Variants in TTC21B observed in about 807,000 individuals in gnomAD.
TTC21B encodes the protein tetratricopeptide repeat protein 21B.
In TTC21B, 127 loss-of-function variants were observed where a neutral mutation model predicts 175.1. The observed-to-expected ratio is 0.73, with a 90% CI of 0.63 to 0.84. The LOEUF is 0.84. Among genes scored for constraint, TTC21B ranks in the 40% least tolerant of loss-of-function variants. TTC21B has a pLI of 0.00. For synonymous variants in TTC21B, 524 were observed against 524.5 expected (o/e 1.00, Z 0.01); for missense variants, 1,561 against 1,558.3 (o/e 1.00, Z -0.03).
At chr2:165,881,993 A>G (rs1272424065) in intron 26 of TTC21B, among the ~76,000 whole-genome samples, 4 of 152,126 alleles carry the variant, frequency 2.6e-5, no homozygotes, top group Non-Finnish European at 5.9e-5. Context: ...AGGAATGCAC[A>G]TATTCCCTTT....
At chr2:165,901,293 C>G (rs1685550705) in intron 20 of TTC21B, among the ~76,000 whole-genome samples, 1 of 151,972 alleles carries the variant, frequency 6.6e-6, no homozygotes, top group African/African-American at 2.4e-5. Flanking sequence ...ATTTTTGTTA[C>G]ATTTCTTTTA....
At position 165,874,797 on chromosome 2, in the gene TTC21B, T is replaced by C. The variant is rs1305905662; in HGVS notation, c.3909A>G (p.Arg1303=). 2 of 1,613,804 alleles carry C rather than the reference T, an allele frequency of 1.2e-6. No individual in the cohort carries two copies. Among genetic ancestry groups the C allele is most frequent in the Non-Finnish European group, 1.7e-6 (2 of 1,179,840 alleles). Residue 1303 remains arginine (R), a synonymous_variant, in exon 29 of 29, where the codon AGA becomes AGG. Transcript: ENST00000243344. ...CACGGGCCTTATCAAGTATATCCTT[T>C]CTGATTTTTGGATAAGTTGGATGTG... ...LEAHPTYPKI[R]KDILDKARAS... is the part of the protein sequence containing the mutation.
rs559087900 is a variant in TTC21B at position 165,924,070 on chromosome 2, T to C, written c.1516+479A>G. On this transcript the variant is annotated intron_variant, in intron 12 of 28. Coordinates refer to ENST00000243344, the MANE Select transcript of TTC21B (RefSeq NM_024753.5). Reference sequence around the variant, plus strand: ...ACCCAGCCATGATGGTCTATTTTTATGTGTAAAGTCAGGCATTTGTCTGTG... The same window carrying C: ...ACCCAGCCATGATGGTCTATTTTTACGTGTAAAGTCAGGCATTTGTCTGTG... Among the ~76,000 whole-genome samples the C allele has an allele frequency of 2.0e-5, 3 of 152,278 alleles. No homozygotes were observed. In the South Asian group the frequency reaches 6.2e-4, roughly 32 times the overall value.
At position 165,943,296 on chromosome 2, in the gene TTC21B, G is replaced by A. The variant is rs1433114934; in HGVS notation, c.475C>T (p.Pro159Ser). 2 of 1,610,792 alleles carry A rather than the reference G, an allele frequency of 1.2e-6. No individual in the cohort carries two copies. The highest frequency in any genetic ancestry group is 1.7e-6 in the Non-Finnish European group (2 of 1,177,150). ...TACTTCAGTGCTTTTTTAGTGTAAG[G>A]CTCTTTTCCTCTTGTAATATCAAGC... ...AWLDITRGKE[P>S]YTKKALKYFE... The change falls in exon 5 of 29, where the codon CCT becomes TCT. Residue 159 changes from proline to serine, a missense_variant. Physicochemically the swap from Pro to Ser is moderately conservative, Grantham distance 74. Coordinates refer to ENST00000243344, the MANE Select transcript of TTC21B (RefSeq NM_024753.5).
chr2:165,930,269 A>C lies in TTC21B; in HGVS notation c.990T>G (p.Leu330=). 1 of 1,613,306 alleles carries C rather than the reference A, an allele frequency of 6.2e-7. No homozygotes were observed. The highest frequency in any genetic ancestry group is 8.5e-7 in the Non-Finnish European group (1 of 1,179,460). ...NPQQSEFATE[L]GYQMILQGRV... is the part of the protein sequence containing the mutation. The stretch of plus-strand genomic sequence containing the variant: ...TTCCTTGTAAAATCATTTGGTATCC[A>C]AGTTCTGTAGCAAATTCTGATTGCT... Residue 330 remains leucine, a synonymous_variant, in exon 9 of 29, where the codon CTT becomes CTG. Coordinates refer to ENST00000243344, the MANE Select transcript of TTC21B (RefSeq NM_024753.5).
chr2:165,886,688 A>T (rs543963804), intron 25 of TTC21B, among the ~76,000 whole-genome samples: 1 of 152,208 alleles, frequency 6.6e-6, no homozygotes. Flanking sequence ...AATAGCTGTA[A>T]TATCATTCAC....
At chr2:165,929,937 A>C (rs1686824351) in intron 9 of TTC21B, among the ~76,000 whole-genome samples, 190 bp from the exon 10 acceptor site, 1 of 152,094 alleles carries the variant, frequency 6.6e-6, no homozygotes, top group Non-Finnish European at 1.5e-5. Flanking sequence ...GGACCTTATA[A>C]AATCATTTAC....
intron 24 of TTC21B, among the ~76,000 whole-genome samples, chr2:165,889,023 A>G (rs906645262): frequency 3.9e-5 from 6 of 152,088 alleles, no homozygotes; most frequent in African/African-American, 9.7e-5. Flanking sequence ...TCTTCACCAC[A>G]TTGCCTATCA....
chr2:165,918,070 C>T (rs117730373), intron 13 of TTC21B, among the ~76,000 whole-genome samples: 3 of 152,132 alleles, frequency 2.0e-5, no homozygotes, highest in Admixed American at 2.0e-4. Flanking sequence ...GGACTCAGAA[C>T]GAGGTGACGT....
At chr2:165,891,058 T>C (rs1267882679) in intron 22 of TTC21B, 70 bp from the exon 23 acceptor site, 1 of 1,295,622 alleles carries the variant, frequency 7.7e-7, no homozygotes, top group Non-Finnish European at 1.1e-6. Context: ...ATAATTCTAC[T>C]TCATTAGAGT....
At chr2:165,938,691 AAGGGAAAC>A (rs1373285592) in intron 6 of TTC21B, among the ~76,000 whole-genome samples, 2 of 151,952 alleles carry the variant, frequency 1.3e-5, no homozygotes, top group Non-Finnish European at 2.9e-5. Context: ...AGAAAAAGAG[AAGGGAAAC>A]AGGGAAACAG....
chr2:165,915,844 T>C (rs1266661398), intron 14 of TTC21B, among the ~76,000 whole-genome samples: 1 of 152,218 alleles, frequency 6.6e-6, no homozygotes, highest in Non-Finnish European at 1.5e-5. Flanking sequence ...TTTCCAAATG[T>C]GTACCTTGAT....
chr2:165,925,863 G>A (rs1559063456), intron 11 of TTC21B, among the ~76,000 whole-genome samples: 1 of 151,874 alleles, frequency 6.6e-6, no homozygotes, highest in Non-Finnish European at 1.5e-5. Flanking sequence ...GTTTTTTTCA[G>A]CCTAAGTAAA....
At chr2:165,937,169 T>C (rs951126810) in intron 6 of TTC21B, among the ~76,000 whole-genome samples, 2 of 151,938 alleles carry the variant, frequency 1.3e-5, no homozygotes, top group African/African-American at 4.8e-5. Context: ...TAATACTAAA[T>C]GAAAGAAGCC....
At chr2:165,919,125 T>G in intron 13 of TTC21B, 151 bp downstream of exon 13, 2 of 889,968 alleles carry the variant, frequency 2.2e-6, no homozygotes, top group Admixed American at 1.9e-5. Flanking sequence ...ATTGCCTCAA[T>G]TTTTCCTCCT....
At chr2:165,914,655 ATCTG>A (rs1415772780) in intron 15 of TTC21B, among the ~76,000 whole-genome samples, 12 of 75,682 alleles carry the variant, frequency 1.6e-4, no homozygotes, top group Non-Finnish European at 2.5e-4. Flanking sequence ...AGGAAGAGCA[ATCTG>A]TGTGTGTGTG....
intron 21 of TTC21B, among the ~76,000 whole-genome samples, chr2:165,899,438 C>T (rs1347551409): frequency 1.3e-5 from 2 of 152,074 alleles, no homozygotes; most frequent in African/African-American, 4.8e-5. Flanking sequence ...TTAAATTTGT[C>T]CAGCATTCCT....
Position 165,943,214 on chromosome 2 carries a change from C to G in TTC21B, c.552+5G>C. The stretch of plus-strand genomic sequence containing the variant: ...CATGATTTATTTACCCTAACTCCAA[C>G]TCACCTTACCCAGCAGAGCAAAAGT... On this transcript the variant is annotated splice_donor_5th_base_variant and intron_variant, in intron 5 of 28. Transcript: ENST00000243344. 6.2e-7 allele frequency: 1 copy of G among 1,613,476 alleles called. No homozygotes were observed.
intron 12 of TTC21B, among the ~76,000 whole-genome samples, chr2:165,921,788 C>CTTTT (rs569807955): frequency 2.3e-5 from 3 of 129,056 alleles, no homozygotes; most frequent in African/African-American, 8.5e-5. Context: ...GCTGCTCTTC[C>CTTTT]TTTTTTTTTT....
Sources: gnomAD v4.1 joint callset for allele counts (sites outside exome capture counted in the v4.1 genomes callset) on GRCh38, gnomAD v4.1.1 for gene constraint, MANE v1.5 for transcripts, NCBI Gene and HGNC (gene_info 2026-07-23, HGNC 2026-07-21) for gene names.